Variants in MGAT4C observed in about 807,000 individuals in gnomAD.
MGAT4C encodes MGAT4 family member C.
Under a neutral mutation model 40.1 loss-of-function variants are expected in MGAT4C, and 19 were observed. The ratio of observed to expected loss-of-function variants is 0.47; its 90% CI spans 0.33 to 0.70. MGAT4C has a LOEUF of 0.70. Among genes scored for constraint, MGAT4C ranks in the 30% least tolerant of loss-of-function variants. The pLI is 0.02. For missense variants in MGAT4C, 491 were observed against 563.2 expected, an observed-to-expected ratio of 0.87 and a Z score of 1.30; for synonymous variants, 181 against 187.1, an observed-to-expected ratio of 0.97 and a Z score of 0.27.
At chr12:85,983,501 T>G (rs1271615043) in intron 4 of MGAT4C, 22 bp downstream of exon 4, 1 of 1,501,758 alleles carries the variant, frequency 6.7e-7, no homozygotes, top group Non-Finnish European at 8.9e-7. Context: ...TATTCTTTAT[T>G]TAAATGTTTA....
chr12:86,802,813 C>G (rs1952258109), intron 1 of MGAT4C, among the ~76,000 whole-genome samples: 1 of 144,280 alleles, frequency 6.9e-6, no homozygotes, highest in Non-Finnish European at 1.5e-5. Flanking sequence ...TAGGAAGAAT[C>G]AATATCGTGA....
intron 1 of MGAT4C, among the ~76,000 whole-genome samples, chr12:86,193,950 A>G (rs1220880424): frequency 6.6e-6 from 1 of 152,024 alleles, no homozygotes; most frequent in African/African-American, 2.4e-5. Context: ...ACCTCACATC[A>G]TATCATCTTA....
At chr12:86,750,689 T>C (rs1019908789) in intron 1 of MGAT4C, among the ~76,000 whole-genome samples, 1 of 152,074 alleles carries the variant, frequency 6.6e-6, no homozygotes, top group Non-Finnish European at 1.5e-5. Context: ...TAGTTACTAA[T>C]ATAGGTAACT....
At chr12:85,994,666 C>A (rs1206162148) in intron 2 of MGAT4C, among the ~76,000 whole-genome samples, 1 of 151,968 alleles carries the variant, frequency 6.6e-6, no homozygotes, top group African/African-American at 2.4e-5. Flanking sequence ...AAAAAACACT[C>A]GGACACCCAA....
chr12:86,427,667 T>A (rs1956955432), intron 3 of MGAT4C, among the ~76,000 whole-genome samples: 1 of 152,158 alleles, frequency 6.6e-6, no homozygotes. Context: ...AGTATATAAT[T>A]GCCATATGTT....
At chr12:86,106,330 A>G (rs916065523) in intron 1 of MGAT4C, among the ~76,000 whole-genome samples, 3 of 152,042 alleles carry the variant, frequency 2.0e-5, no homozygotes, top group African/African-American at 4.8e-5. Flanking sequence ...TCTGAGATAC[A>G]GTGTCTGTTG....
chr12:86,765,527 T>C (rs1344096429), intron 1 of MGAT4C, among the ~76,000 whole-genome samples: 1 of 152,058 alleles, frequency 6.6e-6, no homozygotes, highest in Non-Finnish European at 1.5e-5. Flanking sequence ...GCCACAAAGA[T>C]ACCCCTTGAG....
intron 2 of MGAT4C, among the ~76,000 whole-genome samples, chr12:86,043,160 T>A (rs1318284042): frequency 6.6e-6 from 1 of 152,164 alleles, no homozygotes; most frequent in African/African-American, 2.4e-5. Context: ...GGTGATACCA[T>A]CTGTATTAGG....
At chr12:86,580,749 C>T (rs1231362657) in intron 2 of MGAT4C, among the ~76,000 whole-genome samples, 3 of 151,414 alleles carry the variant, frequency 2.0e-5, no homozygotes. Context: ...CAGTTAATAA[C>T]ACTTTCTTCC....
intron 1 of MGAT4C, among the ~76,000 whole-genome samples, chr12:86,776,476 ATAACT>A (rs1951750536): frequency 6.6e-6 from 1 of 151,944 alleles, no homozygotes. Context: ...CAACTTTTTT[ATAACT>A]TAACAGGGGA....
intron 2 of MGAT4C, among the ~76,000 whole-genome samples, chr12:86,480,929 A>C (rs941989698): frequency 2.0e-5 from 3 of 151,570 alleles, no homozygotes; most frequent in African/African-American, 4.8e-5. Flanking sequence ...CATTTTCCAC[A>C]CTCTGAAATA....
intron 3 of MGAT4C, among the ~76,000 whole-genome samples, chr12:86,409,125 C>T (rs1216039914): frequency 6.6e-6 from 1 of 152,068 alleles, no homozygotes; most frequent in Non-Finnish European, 1.5e-5. Context: ...CTAAATTCAA[C>T]AGTACTCATT....
At chr12:86,603,819 A>C (rs1279914860) in intron 2 of MGAT4C, among the ~76,000 whole-genome samples, 1 of 141,196 alleles carries the variant, frequency 7.1e-6, no homozygotes, top group East Asian at 2.0e-4. Context: ...GTATATAATA[A>C]TAGTAAATAT....
At chr12:86,550,968 C>T (rs554233975) in intron 2 of MGAT4C, among the ~76,000 whole-genome samples, 3 of 152,330 alleles carry the variant, frequency 2.0e-5, no homozygotes, top group East Asian at 3.9e-4. Context: ...GGGAAACAGC[C>T]GTGCCTGTGG....
intron 4 of MGAT4C, among the ~76,000 whole-genome samples, chr12:86,280,627 CTTA>C (rs1375035564): frequency 6.7e-6 from 1 of 150,026 alleles, no homozygotes; most frequent in Non-Finnish European, 1.5e-5. Flanking sequence ...TTATTTATGT[CTTA>C]TTGTGTCCAT....
chr12:86,003,063 A>G (rs1011645118), intron 2 of MGAT4C, among the ~76,000 whole-genome samples: 4 of 152,110 alleles, frequency 2.6e-5, no homozygotes, highest in Non-Finnish European at 4.4e-5. Context: ...TGTCTCCCAA[A>G]GTGTCAGGAT....
intron 2 of MGAT4C, among the ~76,000 whole-genome samples, chr12:86,635,733 G>A (rs1963199346): frequency 1.3e-5 from 2 of 151,732 alleles, no homozygotes; most frequent in Non-Finnish European, 1.5e-5. Context: ...GAGTTCCACG[G>A]TGGTGCAATC....
intron 2 of MGAT4C, among the ~76,000 whole-genome samples, chr12:86,586,427 T>C (rs371878055): frequency 0.021 from 1,130 of 52,910 alleles, 48 homozygotes; most frequent in East Asian, 0.12. Context: ...GCATGTATCT[T>C]TATAGCAGCA....
chr12:86,191,673 ACC>A (rs547006908), intron 1 of MGAT4C, among the ~76,000 whole-genome samples: 1 of 122,216 alleles, frequency 8.2e-6, no homozygotes, highest in African/African-American at 3.1e-5. Flanking sequence ...ACACACACAC[ACC>A]CTTATCTCCT....
Sources: allele counts gnomAD v4.1 joint callset (sites outside exome capture counted in the v4.1 genomes callset), GRCh38; gene constraint gnomAD v4.1.1; transcripts MANE v1.5; gene names NCBI Gene and HGNC (gene_info 2026-07-23, HGNC 2026-07-21).